Variants in TSHR observed in about 807,000 individuals in gnomAD.
TSHR encodes thyrotropin receptor.
TSHR carries 51 observed loss-of-function variants against 64.1 expected under a neutral mutation model. That is an observed-to-expected ratio of 0.80 (90% CI 0.64 to 1.01). TSHR has a LOEUF of 1.01. TSHR is among the 50% of genes least tolerant of loss of function. The pLI is 0.00. For missense variants in TSHR, 877 were observed against 942.8 expected (o/e 0.93, Z 0.91); for synonymous variants, 361 against 361.9 (o/e 1.00, Z 0.03).
chr14:80,964,995 A>T (rs565347810), intron 1 of TSHR, among the ~76,000 whole-genome samples: 1 of 152,358 alleles, frequency 6.6e-6, no homozygotes, highest in East Asian at 1.9e-4. Context: ...AAAAAGTAAG[A>T]CGAAACTGTT....
chr14:80,982,010 C>A (rs1001437833), intron 1 of TSHR: 1 of 375,602 alleles, frequency 2.7e-6, no homozygotes, highest in Non-Finnish European at 5.2e-6. Flanking sequence ...AAGAATAAGA[C>A]AAGAGGCCAG....
chr14:81,093,999 C>T (rs1290086235), intron 6 of TSHR, among the ~76,000 whole-genome samples: 1 of 152,036 alleles, frequency 6.6e-6, no homozygotes, highest in African/African-American at 2.4e-5. Context: ...GCTCATTGTC[C>T]CACACCTAGC....
chr14:80,985,755 T>A (rs1236498755), intron 1 of TSHR, among the ~76,000 whole-genome samples: 1 of 152,196 alleles, frequency 6.6e-6, no homozygotes, highest in African/African-American at 2.4e-5. Flanking sequence ...AGTTGTGTAT[T>A]GTAAACATCT....
At chr14:80,961,657 C>T (rs1422114793) in intron 1 of TSHR, among the ~76,000 whole-genome samples, 1 of 151,980 alleles carries the variant, frequency 6.6e-6, no homozygotes, top group Non-Finnish European at 1.5e-5. Flanking sequence ...TTTCTATGCA[C>T]ACACAAAAAA....
chr14:80,974,176 G>A (rs1887747639), intron 1 of TSHR, among the ~76,000 whole-genome samples: 2 of 152,134 alleles, frequency 1.3e-5, no homozygotes, highest in African/African-American at 2.4e-5. Flanking sequence ...TTTAACCCTC[G>A]GTGTGAGCAT....
At chr14:80,990,588 G>A (rs375284564) in intron 1 of TSHR, among the ~76,000 whole-genome samples, 1 of 152,266 alleles carries the variant, frequency 6.6e-6, no homozygotes, top group East Asian at 1.9e-4. Flanking sequence ...TCCTATTTTG[G>A]TTTTTGAAAT....
intron 1 of TSHR, among the ~76,000 whole-genome samples, chr14:80,975,735 A>G (rs1431105723): frequency 1.3e-5 from 2 of 152,194 alleles, no homozygotes; most frequent in African/African-American, 4.8e-5. Flanking sequence ...AATGCTCAGT[A>G]GCTTTTGTCA....
chr14:81,108,502 T>TTTC, intron 8 of TSHR, 50 bp downstream of exon 8: 1 of 1,486,228 alleles, frequency 6.7e-7, no homozygotes. Context: ...TTCTTTTTTT[T>TTTC]TTTTTGGAAT....
intron 1 of TSHR, among the ~76,000 whole-genome samples, chr14:81,046,496 A>AG (rs1229863524): frequency 2.6e-5 from 4 of 151,722 alleles, no homozygotes; most frequent in Admixed American, 2.6e-4. Context: ...AAGCCCAGAG[A>AG]GGGGAAAAAA....
At position 81,108,775 on chromosome 14, in the gene TSHR, C is replaced by T. The variant is rs1890085326; in HGVS notation, c.692+323C>T. ...GAAAAATTTTGAAATGCAAGATCCA[C>T]AACTAGATGGAAGGCACTCTAGTCT... is the stretch of plus-strand genomic sequence containing the variant. On this transcript the variant is annotated intron_variant, in intron 8 of 9. Transcript: ENST00000298171. The T allele has an allele frequency of 5.6e-6, 9 of 1,598,594 alleles. No homozygotes were observed. In the South Asian group the frequency reaches 1.0e-4, roughly 18 times the overall value.
chr14:81,079,441 T>C (rs775843195), intron 3 of TSHR, among the ~76,000 whole-genome samples: 3 of 152,238 alleles, frequency 2.0e-5, no homozygotes, highest in Non-Finnish European at 2.9e-5. Context: ...TGCAGAGCTC[T>C]TGCCAAAGTT....
chr14:81,025,687 A>G (rs1011952677), intron 1 of TSHR, among the ~76,000 whole-genome samples: 1 of 152,240 alleles, frequency 6.6e-6, no homozygotes, highest in Non-Finnish European at 1.5e-5. Context: ...GAGTTCCCTC[A>G]CTTTGAAAGT....
At chr14:81,016,823 G>T (rs1883437583) in intron 1 of TSHR, among the ~76,000 whole-genome samples, 1 of 152,068 alleles carries the variant, frequency 6.6e-6, no homozygotes, top group Non-Finnish European at 1.5e-5. Context: ...TAGTATAGGG[G>T]TCTAGTTTCA....
intron 3 of TSHR, among the ~76,000 whole-genome samples, chr14:81,072,623 G>T (rs1486452949): frequency 2.0e-5 from 3 of 152,140 alleles, no homozygotes; most frequent in Admixed American, 2.0e-4. Context: ...TACATTAACT[G>T]CATTAAATGT....
At chr14:81,052,148 T>TAAG in intron 1 of TSHR, 1 of 152,194 alleles carries the variant, frequency 6.6e-6, no homozygotes, top group East Asian at 1.9e-4. Flanking sequence ...GCTTTTCTCC[T>TAAG]AGTCTTCTCT....
chr14:81,049,614 G>A (rs914240608), intron 1 of TSHR: 2 of 152,172 alleles, frequency 1.3e-5, no homozygotes, highest in Non-Finnish European at 2.9e-5. Context: ...TACATACCAA[G>A]TAAAAGCACT....
chr14:80,966,597 AT>A (rs1887311228), intron 1 of TSHR, among the ~76,000 whole-genome samples: 2 of 152,154 alleles, frequency 1.3e-5, no homozygotes. Context: ...AAAAATAAAA[AT>A]TTAAAAATTT....
chr14:81,018,110 A>T (rs1031814140), intron 1 of TSHR, among the ~76,000 whole-genome samples: 1 of 152,088 alleles, frequency 6.6e-6, no homozygotes, highest in South Asian at 2.1e-4. Flanking sequence ...GAATTACAAT[A>T]GTACCTAACA....
At chr14:80,986,891 C>T (rs970476188) in intron 1 of TSHR, among the ~76,000 whole-genome samples, 2 of 152,198 alleles carry the variant, frequency 1.3e-5, no homozygotes, top group Admixed American at 1.3e-4. Flanking sequence ...CCTTCTGATT[C>T]GTTATTCCAC....
Sources: gnomAD v4.1 joint callset for allele counts (sites outside exome capture counted in the v4.1 genomes callset) on GRCh38, gnomAD v4.1.1 for gene constraint, MANE v1.5 for transcripts, NCBI Gene and HGNC (gene_info 2026-07-23, HGNC 2026-07-21) for gene names.